REC114: variants seen among roughly 807,000 people sequenced by gnomAD.
REC114 encodes the protein meiotic recombination protein REC114.
A neutral mutation model predicts 31.3 loss-of-function variants in REC114; 27 were observed. The observed-to-expected ratio is 0.86, with a 90% CI of 0.64 to 1.19. The LOEUF (loss-of-function observed/expected upper bound fraction) is 1.19, where lower values mean the gene tolerates loss of function less well. REC114 is among the 50% of genes most tolerant of loss of function. The pLI, the probability that REC114 is intolerant of heterozygous loss-of-function variation, is 0.00. For missense variants in REC114, 344 were observed against 326.9 expected (o/e 1.05, Z -0.40); for synonymous variants, 134 against 127.7 (o/e 1.05, Z -0.33).
At chr15:73,505,601 C>T (rs558575157) in intron 2 of REC114, among the ~76,000 whole-genome samples, 52 of 152,006 alleles carry the variant, frequency 3.4e-4, no homozygotes, top group Admixed American at 9.8e-4. Context: ...GCGCGATCTC[C>T]GCTCACTGCA....
At chr15:73,528,824 A>G (rs2141323619) in intron 2 of REC114, among the ~76,000 whole-genome samples, 1 of 152,318 alleles carries the variant, frequency 6.6e-6, no homozygotes, top group East Asian at 1.9e-4. Context: ...GGCCCTTAAC[A>G]ACAAAAAAAA....
At chr15:73,443,626 A>G (rs140638177) in intron 1 of REC114, among the ~76,000 whole-genome samples, 1,564 of 152,230 alleles carry the variant, frequency 0.01, 25 homozygotes, top group African/African-American at 0.036. Flanking sequence ...TATGTGCTAG[A>G]CTCTATTCAG....
chr15:73,480,187 A>G (rs1893273833), intron 2 of REC114, among the ~76,000 whole-genome samples: 1 of 152,182 alleles, frequency 6.6e-6, no homozygotes, highest in South Asian at 2.1e-4. Context: ...CCTGATGATT[A>G]GTAATGTTGA....
At chr15:73,475,137 T>G (rs779350064) in intron 2 of REC114, among the ~76,000 whole-genome samples, 7 of 152,298 alleles carry the variant, frequency 4.6e-5, no homozygotes, top group Non-Finnish European at 7.4e-5. Context: ...GCAGTTTGGC[T>G]TCCTCGGGCA....
At chr15:73,494,550 A>G (rs537296178) in intron 2 of REC114, among the ~76,000 whole-genome samples, 1 of 152,112 alleles carries the variant, frequency 6.6e-6, no homozygotes, top group Non-Finnish European at 1.5e-5. Context: ...AACCCTTTAA[A>G]TTATTTTTCT....
intron 1 of REC114, among the ~76,000 whole-genome samples, chr15:73,449,160 A>G (rs926350087): frequency 2.9e-4 from 44 of 152,188 alleles, no homozygotes; most frequent in African/African-American, 1.0e-3. Context: ...ATGAACTGAC[A>G]GAAGCAGGCT....
chr15:73,507,994 C>T (rs1893703835), intron 2 of REC114, among the ~76,000 whole-genome samples: 1 of 152,080 alleles, frequency 6.6e-6, no homozygotes, highest in Admixed American at 6.6e-5. Flanking sequence ...TCAAGGTTAG[C>T]GCCATTTTTG....
chr15:73,477,294 ACCTTT>A (rs1460509267), intron 2 of REC114, among the ~76,000 whole-genome samples: 3 of 152,158 alleles, frequency 2.0e-5, no homozygotes, highest in Non-Finnish European at 4.4e-5. Context: ...TTTATAGCTT[ACCTTT>A]TCATTTCTTT....
intron 2 of REC114, among the ~76,000 whole-genome samples, chr15:73,478,897 G>C (rs537812591): frequency 1.3e-5 from 2 of 152,136 alleles, no homozygotes; most frequent in African/African-American, 4.8e-5. Flanking sequence ...TTTAAATATT[G>C]ACCTTGTATC....
chr15:73,558,600 A>G (rs1296688006), intron 5 of REC114, among the ~76,000 whole-genome samples: 1 of 152,266 alleles, frequency 6.6e-6, no homozygotes, highest in African/African-American at 2.4e-5. Flanking sequence ...TAAGACCACG[A>G]TGAGACATCC....
At chr15:73,449,068 A>G (rs976873723) in intron 1 of REC114, among the ~76,000 whole-genome samples, 12 of 152,308 alleles carry the variant, frequency 7.9e-5, no homozygotes, top group Admixed American at 2.0e-4. Context: ...TGAAAATTCC[A>G]AAAACCAGAA....
chr15:73,521,782 A>C (rs1893939274), intron 2 of REC114, among the ~76,000 whole-genome samples: 1 of 152,206 alleles, frequency 6.6e-6, no homozygotes, highest in African/African-American at 2.4e-5. Flanking sequence ...AGAAAATCTA[A>C]GTAGTAAAAT....
intron 1 of REC114, among the ~76,000 whole-genome samples, chr15:73,461,911 C>G (rs369363944): frequency 4.5e-5 from 4 of 89,720 alleles, no homozygotes; most frequent in Non-Finnish European, 1.1e-4. Flanking sequence ...TTTTCTTTTT[C>G]TTTTTCTTTT....
chr15:73,548,108 A>G (rs769643161), intron 3 of REC114, among the ~76,000 whole-genome samples: 1 of 152,170 alleles, frequency 6.6e-6, no homozygotes, highest in Non-Finnish European at 1.5e-5. Flanking sequence ...GGACATGAAT[A>G]GACACTTTTT....
At chr15:73,461,067 A>C (rs896692734) in intron 1 of REC114, among the ~76,000 whole-genome samples, 4 of 152,048 alleles carry the variant, frequency 2.6e-5, no homozygotes, top group Non-Finnish European at 5.9e-5. Context: ...ATTTTTGTAC[A>C]TTGTAAAAGA....
intron 1 of REC114, among the ~76,000 whole-genome samples, chr15:73,459,450 T>C (rs1595860602): frequency 1.3e-5 from 2 of 152,250 alleles, no homozygotes; most frequent in African/African-American, 4.8e-5. Context: ...CAGGCTGTTT[T>C]TGAGCTCCTG....
intron 3 of REC114, among the ~76,000 whole-genome samples, chr15:73,543,470 C>T (rs1894267304): frequency 6.6e-6 from 1 of 152,098 alleles, no homozygotes; most frequent in Non-Finnish European, 1.5e-5. Context: ...GCTGGGATTA[C>T]AGGCATGCGC....
intron 1 of REC114, among the ~76,000 whole-genome samples, chr15:73,466,838 CAG>C (rs1311914712): frequency 2.6e-5 from 4 of 152,178 alleles, no homozygotes; most frequent in Non-Finnish European, 5.9e-5. Context: ...ATAAAAATGA[CAG>C]AATTGGAGTG....
At chr15:73,445,559 C>A (rs1892752987) in intron 1 of REC114, among the ~76,000 whole-genome samples, 1 of 152,162 alleles carries the variant, frequency 6.6e-6, no homozygotes, top group South Asian at 2.1e-4. Context: ...TAAGCTTAAT[C>A]ATTTCTAGCT....
Sources: gnomAD v4.1 joint callset for allele counts (sites outside exome capture counted in the v4.1 genomes callset) on GRCh38, gnomAD v4.1.1 for gene constraint, MANE v1.5 for transcripts, NCBI Gene and HGNC (gene_info 2026-07-23, HGNC 2026-07-21) for gene names.